The following CRMP1 variants were observed in gnomAD, a reference collection of about 807,000 sequenced individuals.
CRMP1 encodes dihydropyrimidinase-related protein 1.
CRMP1 carries 19 observed loss-of-function variants against 68.3 expected under a neutral mutation model. That is an observed-to-expected ratio of 0.28 (90% CI 0.19 to 0.41). The LOEUF (loss-of-function observed/expected upper bound fraction) is 0.41, where lower values mean the gene tolerates loss of function less well. CRMP1 is among the 10% of genes least tolerant of loss of function. The pLI, the probability that CRMP1 is intolerant of heterozygous loss-of-function variation, is 1.00. For missense variants in CRMP1, 791 were observed against 967.4 expected, an observed-to-expected ratio of 0.82 and a Z score of 2.42; for synonymous variants, 439 against 399.6, an observed-to-expected ratio of 1.10 and a Z score of -1.18.
In CRMP1 at chr4:5,891,751, C is replaced by A. The variant is rs2152478236; in HGVS notation, c.381+838G>T. Among the ~76,000 whole-genome samples, 1 of 152,334 alleles carries A rather than the reference C, an allele frequency of 6.6e-6. No individual in the cohort carries two copies. Among genetic ancestry groups the A allele is most frequent in the South Asian group, 2.1e-4 (1 of 4,832 alleles). On this transcript the variant is annotated intron_variant, in intron 1 of 13. Coordinates refer to ENST00000324989, the MANE Select transcript of CRMP1 (RefSeq NM_001014809.3). The surrounding 1 kb of genome is among the most constrained non-coding windows in gnomAD (Gnocchi z 5.2). Reference sequence around the variant, plus strand: ...CGGTCCATCCAAAGGCTACGCCGTCCATCCGCCCTTCTTCCCCCAGTTTCC... The same window carrying A: ...CGGTCCATCCAAAGGCTACGCCGTCAATCCGCCCTTCTTCCCCCAGTTTCC...
intron 12 of CRMP1, chr4:5,826,174 T>G: frequency 6.4e-6 from 1 of 155,658 alleles, no homozygotes; most frequent in South Asian, 1.9e-4. Flanking sequence ...GGACCCCAAA[T>G]CCCTTCCAAA....
intron 2 of CRMP1, among the ~76,000 whole-genome samples, chr4:5,863,571 G>T (rs1713747272): frequency 6.6e-6 from 1 of 152,154 alleles, no homozygotes; most frequent in African/African-American, 2.4e-5. Context: ...GAAAGGGAAG[G>T]AGGAGAGAGG....
At chr4:5,839,371 G>A (rs1227882829) in intron 9 of CRMP1, 151 bp downstream of exon 9, 4 of 953,342 alleles carry the variant, frequency 4.2e-6, no homozygotes, top group Admixed American at 2.8e-5. Flanking sequence ...AGGGCCTGTT[G>A]TAAGCCATAT....
At chr4:5,823,443 G>GA (rs1719017169) in intron 13 of CRMP1, among the ~76,000 whole-genome samples, 2 of 152,220 alleles carry the variant, frequency 1.3e-5, no homozygotes, top group Admixed American at 6.5e-5. Context: ...ATACCTGCTG[G>GA]AAAAAAGGAC....
chr4:5,870,844 G>T lies in CRMP1; in HGVS notation c.382-4088C>A, dbSNP rs1188841929. 1.3e-5 allele frequency among the ~76,000 whole-genome samples: 2 copies of T among 152,068 alleles called. No individual in the cohort carries two copies. The highest frequency in any genetic ancestry group is 2.9e-5 in the Non-Finnish European group (2 of 68,024). ...GGAAAAAGAGGCCCAGGCTCTGCAC[G>T]TCCAGGAAGCACCCACAAGCTGGCG... On this transcript the variant is annotated intron_variant, in intron 1 of 13. Transcript: ENST00000324989. This position sits in a 1 kb window ranked among gnomAD's most constrained non-coding sequence, Gnocchi z 6.0.
At chr4:5,847,343 T>C (rs1221411597) in intron 6 of CRMP1, among the ~76,000 whole-genome samples, 1 of 152,116 alleles carries the variant, frequency 6.6e-6, no homozygotes, top group East Asian at 1.9e-4. Context: ...TGTTATGAGA[T>C]TTTGGAGAAC....
At chr4:5,864,153 T>A (rs1018034524) in intron 2 of CRMP1, among the ~76,000 whole-genome samples, 7 of 152,178 alleles carry the variant, frequency 4.6e-5, no homozygotes, top group Non-Finnish European at 8.8e-5. Context: ...CCATGGCCAC[T>A]TGCTCCTTCT....
At position 5,892,737 on chromosome 4, in the gene CRMP1, G is replaced by C. The variant is rs1716010107; in HGVS notation, c.233C>G (p.Pro78Arg). Residue 78 changes from proline (P) to arginine (R), a missense_variant, in exon 1 of 14, where the codon CCG becomes CGG. Physicochemically the swap from Pro to Arg is moderately radical, Grantham distance 103. Coordinates refer to ENST00000324989, the MANE Select transcript of CRMP1 (RefSeq NM_001014809.3). The surrounding 1 kb of genome is among the most constrained non-coding windows in gnomAD (Gnocchi z 8.6). ...GRPDAVGLPG[P>R]GGSEDTASDV... ...GCTGGCCGTGTCCTCGCTGCCTCCCGGCCCTGGCAGCCCGACCGCGTCGGG... is the reference window on the plus strand; with the variant it reads ...GCTGGCCGTGTCCTCGCTGCCTCCCCGCCCTGGCAGCCCGACCGCGTCGGG... The C allele has an allele frequency of 1.6e-6, 2 of 1,224,604 alleles. No homozygotes were observed. The highest frequency in any genetic ancestry group is 4.4e-5 in the Admixed American group (1 of 22,980). 75.9% of individuals were successfully genotyped at this position (1,224,604 alleles called of 1,614,324 possible).
intron 4 of CRMP1, 68 bp from the exon 5 acceptor site, chr4:5,851,537 T>C (rs1355687930): frequency 7.5e-6 from 11 of 1,473,886 alleles, no homozygotes; most frequent in Non-Finnish European, 7.6e-6. Context: ...TTCCAATAAA[T>C]CAATGACCAC....
chr4:5,832,964 AAGG>A (rs1434241397), intron 11 of CRMP1, among the ~76,000 whole-genome samples: 1 of 152,138 alleles, frequency 6.6e-6, no homozygotes, highest in Non-Finnish European at 1.5e-5. Context: ...GCATCCATAA[AAGG>A]AGAAGACACA....
Position 5,850,658 on chromosome 4 carries a change from G to T in CRMP1, c.882+750C>A, listed in dbSNP as rs1712555550. ...TGCCTCTATAAGGTAGGGCTATCAT[G>T]AGCCTAAAGCACAGAGAAGTTGGGA... On this transcript the variant is annotated intron_variant, in intron 5 of 13. Transcript: ENST00000324989. This position sits in a 1 kb window ranked among gnomAD's most constrained non-coding sequence, Gnocchi z 4.4. 6.6e-6 allele frequency among the ~76,000 whole-genome samples: 1 copy of T among 152,104 alleles called. No homozygotes were observed. Among genetic ancestry groups the T allele is most frequent in the Non-Finnish European group, 1.5e-5 (1 of 68,032 alleles).
At chr4:5,831,972 C>G (rs1465028356) in intron 11 of CRMP1, among the ~76,000 whole-genome samples, 1 of 152,164 alleles carries the variant, frequency 6.6e-6, no homozygotes, top group Non-Finnish European at 1.5e-5. Flanking sequence ...TGGTCCATCC[C>G]TACAAGGGGG....
intron 11 of CRMP1, among the ~76,000 whole-genome samples, chr4:5,830,911 A>G (rs1720332026): frequency 6.6e-6 from 1 of 152,172 alleles, no homozygotes; most frequent in Non-Finnish European, 1.5e-5. Flanking sequence ...GGATCTTCTC[A>G]GTGTAAAAGT....
rs1714562239 is a variant in CRMP1 at position 5,872,939 on chromosome 4, T to C, written c.382-6183A>G. 6.6e-6 allele frequency among the ~76,000 whole-genome samples: 1 copy of C among 152,332 alleles called. No homozygotes were observed. The highest frequency in any genetic ancestry group is 3.4e-3 in the Middle Eastern group (1 of 294). The stretch of plus-strand genomic sequence containing the variant: ...TCCATGTGACTTACCGAGCCTCAGT[T>C]TCCTTGTCTATGAGATGGGGATAAT... On this transcript the variant is annotated intron_variant, in intron 1 of 13. Coordinates refer to ENST00000324989, the MANE Select transcript of CRMP1 (RefSeq NM_001014809.3). This position sits in a 1 kb window ranked among gnomAD's most constrained non-coding sequence, Gnocchi z 4.6.
intron 11 of CRMP1, among the ~76,000 whole-genome samples, chr4:5,829,570 T>TA (rs1207904913): frequency 6.6e-6 from 1 of 152,216 alleles, no homozygotes; most frequent in Non-Finnish European, 1.5e-5. Context: ...GTCTGTGTTC[T>TA]ACTTGAGTCT....
At chr4:5,873,197 G>C (rs1318027844) in intron 1 of CRMP1, among the ~76,000 whole-genome samples, 1 of 152,206 alleles carries the variant, frequency 6.6e-6, no homozygotes, top group African/African-American at 2.4e-5. Flanking sequence ...GGGAAATGCA[G>C]AGGGCCACAG....
Position 5,890,821 on chromosome 4 carries a change from G to A in CRMP1, c.381+1768C>T, listed in dbSNP as rs988095387. ...TGGTGACATTGACCGCAGTTCCAGA[G>A]GAACTCTCCTTGGGACAGCTACGGG... On this transcript the variant is annotated intron_variant, in intron 1 of 13. Transcript: ENST00000324989. This position sits in a 1 kb window ranked among gnomAD's most constrained non-coding sequence, Gnocchi z 5.5. Among the ~76,000 whole-genome samples the A allele has an allele frequency of 1.3e-5, 2 of 152,126 alleles. No homozygotes were observed. Among genetic ancestry groups the A allele is most frequent in the South Asian group, 2.1e-4 (1 of 4,824 alleles).
At chr4:5,830,679 C>A (rs1285389620) in intron 11 of CRMP1, among the ~76,000 whole-genome samples, 1 of 152,116 alleles carries the variant, frequency 6.6e-6, no homozygotes, top group African/African-American at 2.4e-5. Context: ...TTTCTTGTAC[C>A]CCTGCCAAAC....
Position 5,868,261 on chromosome 4 carries a change from C to CTATATA in CRMP1, c.382-1511_382-1506dup, listed in dbSNP as rs60816757. Among the ~76,000 whole-genome samples, 816 of 111,222 alleles carry CTATATA rather than the reference C, an allele frequency of 7.3e-3. 8 individuals carry two copies. The highest frequency in any genetic ancestry group is 0.011 in the Middle Eastern group (2 of 190). The allele number at this position is 111,222 out of a possible 152,430, so 73.0% of individuals were successfully genotyped here. The stretch of plus-strand genomic sequence containing the variant: ...CCGCACATTCTTCATGACTATATAT[C>CTATATA]TATATATATATATATATATATATAT... On this transcript the variant is annotated intron_variant, in intron 1 of 13. Transcript: ENST00000324989.
Sources: gnomAD v4.1 joint callset for allele counts (sites outside exome capture counted in the v4.1 genomes callset) on GRCh38, gnomAD v4.1.1 for gene constraint, Gnocchi (gnomAD v3.1) non-coding constraint, MANE v1.5 for transcripts, NCBI Gene and HGNC (gene_info 2026-07-23, HGNC 2026-07-21) for gene names.